Variants in PHACTR1 observed in about 807,000 individuals in gnomAD.
PHACTR1 encodes phosphatase and actin regulator 1, also known as RPEL repeat containing 1.
Under a neutral mutation model 69.2 loss-of-function variants are expected in PHACTR1, and 16 were observed. That is an observed-to-expected ratio of 0.23 (90% confidence interval 0.16 to 0.35). PHACTR1 has a LOEUF of 0.35. Ranked by LOEUF, PHACTR1 falls within the 10% of genes least tolerant of loss-of-function variation. The pLI, the probability that PHACTR1 is intolerant of heterozygous loss-of-function variation, is 1.00. For missense variants in PHACTR1, 510 were observed against 734.7 expected, an observed-to-expected ratio of 0.69 and a Z score of 3.54; for synonymous variants, 312 against 284.5, an observed-to-expected ratio of 1.10 and a Z score of -0.97.
intron 4 of PHACTR1, among the ~76,000 whole-genome samples, chr6:12,845,422 A>ACCCCCCTCCCCCCCC (rs879435671): frequency 7.8e-5 from 1 of 12,798 alleles, no homozygotes; most frequent in African/African-American, 2.8e-4. Flanking sequence ...CATTGTGAAC[A>ACCCCCCTCCCCCCCC]CCACCCACCC....
chr6:13,091,240 C>A (rs1244478552), intron 5 of PHACTR1, among the ~76,000 whole-genome samples: 1 of 152,110 alleles, frequency 6.6e-6, no homozygotes, highest in African/African-American at 2.4e-5. Context: ...CTCGGGTGAT[C>A]CACCCACCTC....
chr6:13,146,848 G>A (rs1311254458), intron 5 of PHACTR1, among the ~76,000 whole-genome samples: 1 of 152,146 alleles, frequency 6.6e-6, no homozygotes, highest in Non-Finnish European at 1.5e-5. Context: ...TTATTCCTGG[G>A]GGGAGTGTTA....
At chr6:13,269,156 T>C (rs544603211) in intron 10 of PHACTR1, among the ~76,000 whole-genome samples, 3 of 152,176 alleles carry the variant, frequency 2.0e-5, no homozygotes, top group Non-Finnish European at 4.4e-5. Flanking sequence ...GCCACCCACA[T>C]TTACAAGGCT....
chr6:13,249,815 AAAAGTATGGTGACT>A, intron 10 of PHACTR1, among the ~76,000 whole-genome samples: 1 of 151,994 alleles, frequency 6.6e-6, no homozygotes, highest in African/African-American at 2.4e-5. Context: ...AAAAAAAAAA[AAAAGTATGGTGACT>A]AAAGAATCAC....
intron 4 of PHACTR1, among the ~76,000 whole-genome samples, chr6:13,041,599 C>T (rs192314087): frequency 1.3e-5 from 2 of 152,202 alleles, no homozygotes; most frequent in East Asian, 3.9e-4. Flanking sequence ...AAGTGATTCT[C>T]AAATGGAATG....
In PHACTR1 at chr6:13,086,865, C is replaced by T. The variant is rs372284552; in HGVS notation, c.415+33336C>T. 1.3e-4 allele frequency among the ~76,000 whole-genome samples: 19 copies of T among 151,942 alleles called. 1 individual carries two copies. Among genetic ancestry groups the T allele is most frequent in the Admixed American group, 9.8e-4 (15 of 15,230 alleles). On this transcript the variant is annotated intron_variant, in intron 5 of 14. Coordinates refer to ENST00000332995, the MANE Select transcript of PHACTR1 (RefSeq NM_030948.6). Reference sequence around the variant, plus strand: ...AAGAAATTGTCATGCTGTGTTTGTACCACTTTGCATTCCCATCAACAAGGT... The same window carrying T: ...AAGAAATTGTCATGCTGTGTTTGTATCACTTTGCATTCCCATCAACAAGGT...
intron 4 of PHACTR1, among the ~76,000 whole-genome samples, chr6:12,933,081 A>G (rs2127531002): frequency 6.6e-6 from 1 of 151,976 alleles, no homozygotes; most frequent in East Asian, 1.9e-4. Flanking sequence ...GATTACAGGC[A>G]CGCGCCACCA....
chr6:13,077,763 C>T (rs1583257921), intron 5 of PHACTR1, among the ~76,000 whole-genome samples: 1 of 152,040 alleles, frequency 6.6e-6, no homozygotes. Context: ...AGGCAAGAGA[C>T]ATTGGAGCCA....
intron 4 of PHACTR1, among the ~76,000 whole-genome samples, chr6:12,809,378 A>G (rs1409122063): frequency 6.6e-6 from 1 of 152,222 alleles, no homozygotes; most frequent in Non-Finnish European, 1.5e-5. Context: ...CTGTGCCCAC[A>G]ACAGATATCA....
At chr6:13,226,637 G>A (rs576789555) in intron 8 of PHACTR1, among the ~76,000 whole-genome samples, 8 of 151,930 alleles carry the variant, frequency 5.3e-5, no homozygotes, top group Non-Finnish European at 1.0e-4. Flanking sequence ...ATAAAAAAGG[G>A]TTCTAAGTTA....
chr6:13,181,677 C>A (rs1762193504), intron 6 of PHACTR1, among the ~76,000 whole-genome samples: 1 of 152,134 alleles, frequency 6.6e-6, no homozygotes, highest in South Asian at 2.1e-4. Flanking sequence ...TCTGGCACTT[C>A]CCAGCATCGC....
chr6:13,204,387 G>A (rs942930902), intron 7 of PHACTR1, among the ~76,000 whole-genome samples: 1 of 151,656 alleles, frequency 6.6e-6, no homozygotes, highest in African/African-American at 2.4e-5. Context: ...CCAACACGGG[G>A]TGCCAGTGGG....
chr6:12,805,513 T>G (rs1415399595), intron 4 of PHACTR1, among the ~76,000 whole-genome samples: 3 of 152,188 alleles, frequency 2.0e-5, no homozygotes, highest in Non-Finnish European at 4.4e-5. Context: ...ACTCCTGGAA[T>G]GGCTATTCTC....
At chr6:13,035,722 T>C (rs1371568698) in intron 4 of PHACTR1, among the ~76,000 whole-genome samples, 1 of 152,168 alleles carries the variant, frequency 6.6e-6, no homozygotes, top group Non-Finnish European at 1.5e-5. Context: ...AGTGACAAAA[T>C]TTGCCTTAGG....
rs146903053 is a variant in PHACTR1 at position 13,060,574 on chromosome 6, G to A, written c.415+7045G>A. Among the ~76,000 whole-genome samples the A allele has an allele frequency of 3.6e-3, 554 of 152,302 alleles. 12 individuals are homozygous for A. Among genetic ancestry groups the A allele is most frequent in the Admixed American group, 0.025 (383 of 15,276 alleles). On this transcript the variant is annotated intron_variant, in intron 5 of 14. Transcript: ENST00000332995. Reference sequence around the variant, plus strand: ...GGTGGGTTACAAGGCACAGAAAGAAGGGCTAGTATCAGAAAAGGAATGAAC... The same window carrying A: ...GGTGGGTTACAAGGCACAGAAAGAAAGGCTAGTATCAGAAAAGGAATGAAC...
intron 4 of PHACTR1, among the ~76,000 whole-genome samples, chr6:12,984,495 T>G (rs1246764720): frequency 6.6e-6 from 1 of 152,218 alleles, no homozygotes; most frequent in Admixed American, 6.5e-5. Flanking sequence ...GAAGGGCTGG[T>G]TCTAGAAACA....
At chr6:12,866,577 T>G (rs1032741154) in intron 4 of PHACTR1, among the ~76,000 whole-genome samples, 1 of 152,188 alleles carries the variant, frequency 6.6e-6, no homozygotes. Flanking sequence ...CCACTCAATC[T>G]TCTTTCCTCC....
chr6:13,211,864 T>G (rs1033978009), intron 8 of PHACTR1, among the ~76,000 whole-genome samples: 2 of 152,220 alleles, frequency 1.3e-5, no homozygotes, highest in Non-Finnish European at 2.9e-5. Context: ...AGACAGGGTT[T>G]GAGGAAAGTC....
At chr6:13,190,418 A>G (rs981906242) in intron 7 of PHACTR1, among the ~76,000 whole-genome samples, 1 of 151,618 alleles carries the variant, frequency 6.6e-6, no homozygotes, top group Non-Finnish European at 1.5e-5. Flanking sequence ...TTACTTCCTT[A>G]CTCCAAATAC....
Sources: gnomAD v4.1 joint callset for allele counts (sites outside exome capture counted in the v4.1 genomes callset) on GRCh38, gnomAD v4.1.1 for gene constraint, MANE v1.5 for transcripts, NCBI Gene and HGNC (gene_info 2026-07-23, HGNC 2026-07-21) for gene names.